The following ELOVL1 variants were observed in gnomAD, a reference collection of about 807,000 sequenced individuals.
The protein encoded by ELOVL1 is ELOVL fatty acid elongase 1, also known as very long chain fatty acid elongase 1.
In ELOVL1, 10 loss-of-function variants were observed where a neutral mutation model predicts 37.8. The observed-to-expected ratio is 0.26, with a 90% CI of 0.16 to 0.45. The LOEUF (loss-of-function observed/expected upper bound fraction) is 0.45. Among genes scored for constraint, ELOVL1 ranks in the 20% least tolerant of loss-of-function variants. ELOVL1 has a pLI of 1.00. For missense variants in ELOVL1, 256 were observed against 352.7 expected, an observed-to-expected ratio of 0.73 and a Z score of 2.20; for synonymous variants, 133 against 123.8, an observed-to-expected ratio of 1.07 and a Z score of -0.49.
chr1:43,364,221 G>A lies in ELOVL1; in HGVS notation c.619-84C>T. ...GGGTAGAGAAAGAGACAAACGTTGAGTAGGGAGAGATGGGGTCAAAGGTGA... is the reference window on the plus strand; with the variant it reads ...GGGTAGAGAAAGAGACAAACGTTGAATAGGGAGAGATGGGGTCAAAGGTGA... On this transcript the variant is annotated intron_variant, in intron 7 of 7. Coordinates refer to ENST00000372458, the MANE Select transcript of ELOVL1 (RefSeq NM_022821.4). This position sits in a 1 kb window ranked among gnomAD's most constrained non-coding sequence, Gnocchi z 5.2. 30 of 1,609,872 alleles carry A rather than the reference G, an allele frequency of 1.9e-5. No homozygotes were observed. The highest frequency in any genetic ancestry group is 2.5e-5 in the Non-Finnish European group (29 of 1,177,156).
chr1:43,367,367 C>T (rs1361270001), intron 1 of ELOVL1: 1 of 152,586 alleles, frequency 6.6e-6, no homozygotes, highest in African/African-American at 2.4e-5. Flanking sequence ...TTGCTGGCCG[C>T]CCATCGCCGG....
chr1:43,364,901 T>G lies in ELOVL1; in HGVS notation c.318+27A>C. The stretch of plus-strand genomic sequence containing the variant: ...AACTGGTCATATCTACCAGGTTGCT[T>G]ATGACCTAGCCCCAGCCCCTACTTA... On this transcript the variant is annotated intron_variant, in intron 4 of 7. Coordinates refer to ENST00000372458, the MANE Select transcript of ELOVL1 (RefSeq NM_022821.4). This position sits in a 1 kb window ranked among gnomAD's most constrained non-coding sequence, Gnocchi z 5.2. 1 of 1,614,026 alleles carries G rather than the reference T, an allele frequency of 6.2e-7. No individual in the cohort carries two copies. The highest frequency in any genetic ancestry group is 8.5e-7 in the Non-Finnish European group (1 of 1,179,950).
chr1:43,365,239 T>C lies in ELOVL1; in HGVS notation c.184A>G (p.Met62Val). The change falls in exon 3 of 8, where the codon ATG (methionine) becomes GTG (valine). Residue 62 changes from methionine (M) to valine (V), a missense_variant. Coordinates refer to ENST00000372458, the MANE Select transcript of ELOVL1 (RefSeq NM_022821.4). ...NRKPFQLRGF[M>V]IVYNFSLVAL... ...ACCAGTGAGAAGTTGTAGACAATCA[T>C]GAAGCCACGGAGCTGGAAGGGCTTC... The C allele has an allele frequency of 6.2e-7, 1 of 1,614,156 alleles. No individual in the cohort carries two copies. The highest frequency in any genetic ancestry group is 8.5e-7 in the Non-Finnish European group (1 of 1,180,034).
chr1:43,363,542 C>T lies in ELOVL1; in HGVS notation c.*374G>A, dbSNP rs1476575747. ...TGGGGTGGAGGAGTGAGACTGGGTC[C>T]ACAGTGACATTATTGCTGACCTCTT... On this transcript the variant is annotated 3_prime_UTR_variant, in exon 8 of 8. Transcript: ENST00000372458. 2 of 377,798 alleles carry T rather than the reference C, an allele frequency of 5.3e-6. No individual in the cohort carries two copies. Among genetic ancestry groups the T allele is most frequent in the Non-Finnish European group, 9.7e-6 (2 of 206,250 alleles). 23.4% of individuals were successfully genotyped at this position (377,798 alleles called of 1,614,324 possible). A position where few individuals can be genotyped will look rare whatever the true frequency, so the allele number is the denominator to read the frequency against.
In ELOVL1 at chr1:43,363,849, CT is replaced by C. The variant is rs1647189316; in HGVS notation, c.*66del. 1 of 1,446,160 alleles carries C rather than the reference CT, an allele frequency of 6.9e-7. No individual in the cohort carries two copies. Among genetic ancestry groups the C allele is most frequent in the Admixed American group, 1.7e-5 (1 of 59,264 alleles). The allele number at this position is 1,446,160 out of a possible 1,614,324, so 89.6% of individuals were successfully genotyped here. ...GTCACAGGTGTAGGTGGAGAGGGCACTGACGGACACTGCCCTAAGGTGCAGT... is the reference window on the plus strand; with the variant it reads ...GTCACAGGTGTAGGTGGAGAGGGCACGACGGACACTGCCCTAAGGTGCAGT... On this transcript the variant is annotated 3_prime_UTR_variant, in exon 8 of 8. Transcript: ENST00000372458.
At chr1:43,365,748 A>T (rs1647222841) in intron 1 of ELOVL1, 125 bp from the exon 2 acceptor site, 8 of 1,040,038 alleles carry the variant, frequency 7.7e-6, no homozygotes, top group African/African-American at 3.2e-5. Context: ...GAACAGTGAA[A>T]GGAAGGAATT....
At position 43,364,904 on chromosome 1, in the gene ELOVL1, G is replaced by A. The variant is rs1183519373; in HGVS notation, c.318+24C>T. 1 of 1,613,986 alleles carries A rather than the reference G, an allele frequency of 6.2e-7. No individual in the cohort carries two copies. The highest frequency in any genetic ancestry group is 8.5e-7 in the Non-Finnish European group (1 of 1,179,954). On this transcript the variant is annotated intron_variant, in intron 4 of 7. Transcript: ENST00000372458. This position sits in a 1 kb window ranked among gnomAD's most constrained non-coding sequence, Gnocchi z 5.2. ...TGGTCATATCTACCAGGTTGCTTATGACCTAGCCCCAGCCCCTACTTACCC... is the reference window on the plus strand; with the variant it reads ...TGGTCATATCTACCAGGTTGCTTATAACCTAGCCCCAGCCCCTACTTACCC...
chr1:43,365,716 A>G, intron 1 of ELOVL1, 93 bp from the exon 2 acceptor site: 1 of 1,264,090 alleles, frequency 7.9e-7, no homozygotes, highest in African/African-American at 1.5e-5. Context: ...GACACCTGCA[A>G]TGCCTCATTG....
intron 1 of ELOVL1, chr1:43,366,425 G>C (rs911096413): frequency 6.5e-6 from 1 of 152,816 alleles, no homozygotes; most frequent in African/African-American, 2.4e-5. Flanking sequence ...TACTGTGCAG[G>C]GGGTGGAGGG....
chr1:43,364,562 C>G lies in ELOVL1; in HGVS notation c.461G>C (p.Trp154Ser), dbSNP rs1195724894. 1.2e-6 allele frequency: 2 copies of G among 1,614,116 alleles called. No individual in the cohort carries two copies. The highest frequency in any genetic ancestry group is 8.5e-7 in the Non-Finnish European group (1 of 1,180,010). ...CTCACCCGGGGCAATCTTTACCCCC[C>G]ACCACCAGCTCCAGGGAAGCACAGA... is the stretch of plus-strand genomic sequence containing the variant. ...HHSVLPWSWWWGVKIAPGGMG... is the reference protein window; with the variant it reads ...HHSVLPWSWWSGVKIAPGGMG... The change falls in exon 6 of 8, where the codon TGG (tryptophan) becomes TCG (serine). Residue 154 changes from tryptophan (W) to serine (S), a missense_variant. This residue lies in a region of ELOVL1 where 39 missense variants were observed against 89.9 expected (regional missense o/e 0.43). Coordinates refer to ENST00000372458, the MANE Select transcript of ELOVL1 (RefSeq NM_022821.4). This position sits in a 1 kb window ranked among gnomAD's most constrained non-coding sequence, Gnocchi z 5.2.
In ELOVL1 at chr1:43,365,589, C is replaced by T; in HGVS notation, c.21G>A (p.Leu7=). The T allele has an allele frequency of 2.5e-6, 4 of 1,614,116 alleles. No homozygotes were observed. The highest frequency in any genetic ancestry group is 3.4e-6 in the Non-Finnish European group (4 of 1,180,000). MEAVVN[L]YQEVMKHADP... is the part of the protein sequence containing the mutation. ...CTGCGTGCTTCATCACCTCTTGGTACAAGTTCACAACAGCCTCCATCCTGG... is the reference window on the plus strand; with the variant it reads ...CTGCGTGCTTCATCACCTCTTGGTATAAGTTCACAACAGCCTCCATCCTGG... Residue 7 remains leucine, a synonymous_variant, in exon 2 of 8, where the codon TTG becomes TTA. Transcript: ENST00000372458.
Position 43,367,908 on chromosome 1 carries a change from G to C in ELOVL1, c.-15+7C>G, listed in dbSNP as rs1207734541. ...ACGTGGAGAGTCCGTGGAAGGTCCA[G>C]ACTCACCCGTAGGGGCCAGGCGGGC... On this transcript the variant is annotated splice_region_variant and intron_variant, in intron 1 of 7. Transcript: ENST00000372458. 6.5e-6 allele frequency: 1 copy of C among 153,410 alleles called. No homozygotes were observed. The highest frequency in any genetic ancestry group is 1.4e-5 in the Non-Finnish European group (1 of 69,078). The allele number at this position is 153,410 out of a possible 1,614,324, so 9.5% of individuals were successfully genotyped here.
chr1:43,364,599 CAT>C lies in ELOVL1; in HGVS notation c.422_423del (p.His141ArgfsTer85). ...RKKDGQVTFL[H>X]VFHHSVLPWS... The stretch of plus-strand genomic sequence containing the variant: ...CAGGGAAGCACAGAGTGATGGAAGA[CAT>C]GTAGGAAGGTCACCTGCCCGTCTTT... On this transcript the variant is annotated frameshift_variant, in exon 6 of 8. Transcript: ENST00000372458. LOFTEE classifies it high-confidence loss of function. This position sits in a 1 kb window ranked among gnomAD's most constrained non-coding sequence, Gnocchi z 5.2. The C allele has an allele frequency of 6.2e-7, 1 of 1,614,100 alleles. No homozygotes were observed. The highest frequency in any genetic ancestry group is 8.5e-7 in the Non-Finnish European group (1 of 1,180,020).
Position 43,364,469 on chromosome 1 carries a change from G to A in ELOVL1, c.482-9C>T. 3 of 1,614,076 alleles carry A rather than the reference G, an allele frequency of 1.9e-6. No individual in the cohort carries two copies. Among genetic ancestry groups the A allele is most frequent in the South Asian group, 1.1e-5 (1 of 91,082 alleles). On this transcript the variant is annotated splice_polypyrimidine_tract_variant and intron_variant, in intron 6 of 7. Coordinates refer to ENST00000372458, the MANE Select transcript of ELOVL1 (RefSeq NM_022821.4). The surrounding 1 kb of genome is among the most constrained non-coding windows in gnomAD (Gnocchi z 5.2). ...GAAAGAGCCCATTCCTCCTGTGAGT[G>A]GACAATAAGACAGGGTCAGCAGAGT...
At position 43,366,759 on chromosome 1, in the gene ELOVL1, G is replaced by C. The variant is rs529211288; in HGVS notation, c.-14-1136C>G. On this transcript the variant is annotated intron_variant, in intron 1 of 7. Coordinates refer to ENST00000372458, the MANE Select transcript of ELOVL1 (RefSeq NM_022821.4). ...TGGCATGTGAAGGGGTTGGGGAGTG[G>C]GGGAGGTCGCAGGAATCTTCCCCTC... Among the ~76,000 whole-genome samples the C allele has an allele frequency of 3.2e-4, 49 of 152,160 alleles. 1 individual carries two copies. Among genetic ancestry groups the C allele is most frequent in the Admixed American group, 2.0e-3 (30 of 15,308 alleles).
Position 43,364,623 on chromosome 1 carries a change from C to T in ELOVL1, c.400G>A (p.Asp134Asn). 6.2e-7 allele frequency: 1 copy of T among 1,614,196 alleles called. No homozygotes were observed. Among genetic ancestry groups the T allele is most frequent in the Non-Finnish European group, 8.5e-7 (1 of 1,180,032 alleles). The change falls in exon 6 of 8, where the codon GAC becomes AAC. Residue 134 changes from aspartate (D) to asparagine (N), a missense_variant. Transcript: ENST00000372458. The surrounding 1 kb of genome is among the most constrained non-coding windows in gnomAD (Gnocchi z 5.2). ...DTVIFILRKK[D>N]GQVTFLHVFH... The stretch of plus-strand genomic sequence containing the variant: ...ACATGTAGGAAGGTCACCTGCCCGT[C>T]TTTCTTTCGGAGAATAAAGATCACC...
intron 1 of ELOVL1, chr1:43,367,177 C>T (rs1647264023): frequency 1.3e-5 from 2 of 152,578 alleles, no homozygotes; most frequent in Admixed American, 1.3e-4. Context: ...GCACACACGT[C>T]TCCTGCCTGA....
intron 1 of ELOVL1, among the ~76,000 whole-genome samples, chr1:43,366,783 T>C (rs1374237353): frequency 6.6e-6 from 1 of 151,724 alleles, no homozygotes; most frequent in Non-Finnish European, 1.5e-5. Context: ...AATCTTCCCC[T>C]CCCTCAGGGA....
Position 43,365,328 on chromosome 1 carries a change from G to A in ELOVL1, c.95C>T (p.Thr32Ile), listed in dbSNP as rs780578381. ...YPLMGSPLLM[T>I]SILLTYVYFV... Reference sequence around the variant, plus strand: ...GTACACGTAGGTCAGGAGAATGGAGGTCATTAGCAAGGGGGACCCCATCAG... The same window carrying A: ...GTACACGTAGGTCAGGAGAATGGAGATCATTAGCAAGGGGGACCCCATCAG... Residue 32 changes from threonine (T) to isoleucine (I), a missense_variant, in exon 3 of 8, where the codon ACC becomes ATC. By Grantham distance (89) the Thr-to-Ile change is moderately conservative. This residue lies in a region of ELOVL1 where 158 missense variants were observed against 189.4 expected (regional missense o/e 0.83). Coordinates refer to ENST00000372458, the MANE Select transcript of ELOVL1 (RefSeq NM_022821.4). The A allele has an allele frequency of 1.2e-6, 2 of 1,613,738 alleles. No homozygotes were observed. Among genetic ancestry groups the A allele is most frequent in the Non-Finnish European group, 1.7e-6 (2 of 1,179,854 alleles).
Sources: allele counts gnomAD v4.1 joint callset (sites outside exome capture counted in the v4.1 genomes callset), GRCh38; gene constraint gnomAD v4.1.1; regional missense constraint gnomAD v4.1.1; non-coding constraint Gnocchi (gnomAD v3.1); transcripts MANE v1.5; gene names NCBI Gene and HGNC (gene_info 2026-07-23, HGNC 2026-07-21).